The following LIMCH1 variants were observed in gnomAD, a reference collection of about 807,000 sequenced individuals.
LIMCH1 encodes the protein LIM and calponin homology domains-containing protein 1.
Under a neutral mutation model 176.5 loss-of-function variants are expected in LIMCH1, and 113 were observed. That is an observed-to-expected ratio of 0.64 (90% CI 0.55 to 0.75). The LOEUF (loss-of-function observed/expected upper bound fraction) is 0.75. Ranked by LOEUF, LIMCH1 falls within the 30% of genes least tolerant of loss-of-function variation. The pLI is 0.00. For synonymous variants in LIMCH1, 619 were observed against 645.9 expected, an observed-to-expected ratio of 0.96 and a Z score of 0.63; for missense variants, 1,674 against 1,814.9, an observed-to-expected ratio of 0.92 and a Z score of 1.41.
rs569666058 is a variant in LIMCH1 at position 41,576,463 on chromosome 4, A to C, written c.-240-22457A>C. ...TTCTCTTCTAAGTGTTATAATTTAC[A>C]GATACACTCCCATTTATGTGAAATG... On this transcript the variant is annotated intron_variant, in intron 1 of 31. Transcript: ENST00000503057. Among the ~76,000 whole-genome samples, 15 of 152,340 alleles carry C rather than the reference A, an allele frequency of 9.8e-5. No homozygotes were observed. In the South Asian group the frequency reaches 2.3e-3, roughly 23 times the overall value.
In LIMCH1 at chr4:41,643,636, A is replaced by G. The variant is rs190442032; in HGVS notation, c.2127-864A>G. On this transcript the variant is annotated intron_variant, in intron 14 of 31. Coordinates refer to ENST00000503057, the MANE Select transcript of LIMCH1 (RefSeq NM_001330672.2). The stretch of plus-strand genomic sequence containing the variant: ...TAAAACATATAAATTATATGTATGC[A>G]CAGTCTAAGAGTTTTTTAAAGACTG... Among the ~76,000 whole-genome samples the G allele has an allele frequency of 2.7e-3, 412 of 151,980 alleles. 2 individuals are homozygous for G. Among genetic ancestry groups the G allele is most frequent in the African/African-American group, 9.4e-3 (388 of 41,284 alleles).
intron 5 of LIMCH1, among the ~76,000 whole-genome samples, chr4:41,616,932 G>C (rs1419477400): frequency 6.6e-6 from 1 of 152,094 alleles, no homozygotes; most frequent in East Asian, 1.9e-4. Context: ...GAGCTACTCT[G>C]TCCTGGAGCA....
chr4:41,578,020 G>A (rs2152662048), intron 1 of LIMCH1, among the ~76,000 whole-genome samples: 1 of 152,264 alleles, frequency 6.6e-6, no homozygotes, highest in East Asian at 1.9e-4. Flanking sequence ...CCTCAAAAAA[G>A]TGTATCTGAA....
chr4:41,430,861 A>G (rs992711951), intron 1 of LIMCH1, among the ~76,000 whole-genome samples: 2 of 151,754 alleles, frequency 1.3e-5, no homozygotes, highest in African/African-American at 4.8e-5. Flanking sequence ...ACAGAATTCC[A>G]TTGAAAGCCA....
intron 18 of LIMCH1, 75 bp downstream of exon 18, chr4:41,650,683 G>A (rs2094257309): frequency 7.9e-7 from 1 of 1,262,094 alleles, no homozygotes; most frequent in Non-Finnish European, 1.1e-6. Flanking sequence ...AAAATAAGTA[G>A]GTCATGATAA....
chr4:41,634,234 A>G (rs999675705), intron 13 of LIMCH1, among the ~76,000 whole-genome samples: 6 of 152,358 alleles, frequency 3.9e-5, no homozygotes, highest in African/African-American at 1.2e-4. Flanking sequence ...TAGGATTTCT[A>G]TTCCATGCTC....
chr4:41,653,901 C>G (rs756983626), intron 18 of LIMCH1, among the ~76,000 whole-genome samples: 1 of 152,226 alleles, frequency 6.6e-6, no homozygotes, highest in Non-Finnish European at 1.5e-5. Context: ...TCTGTACCTC[C>G]TCATGCCAGA....
chr4:41,580,885 C>T (rs2152678812), intron 1 of LIMCH1, among the ~76,000 whole-genome samples: 1 of 152,178 alleles, frequency 6.6e-6, no homozygotes, highest in Admixed American at 6.5e-5. Flanking sequence ...TATAAACAAA[C>T]TCATGGTAAG....
chr4:41,646,575 G>T lies in LIMCH1; in HGVS notation c.2502G>T (p.Arg834Ser). 1 of 1,614,154 alleles carries T rather than the reference G, an allele frequency of 6.2e-7. No homozygotes were observed. The highest frequency in any genetic ancestry group is 8.5e-7 in the Non-Finnish European group (1 of 1,180,026). The change falls in exon 17 of 32, where the codon AGG becomes AGT. Residue 834 changes from arginine to serine, a missense_variant. Transcript: ENST00000503057. ...AEGILQQYIE[R>S]FTISEAVLER... ...GGATCCTTCAACAGTACATTGAGAGGTTCACCATCAGTGAGGCTGTTCTCG... is the reference window on the plus strand; with the variant it reads ...GGATCCTTCAACAGTACATTGAGAGTTTCACCATCAGTGAGGCTGTTCTCG...
intron 18 of LIMCH1, among the ~76,000 whole-genome samples, chr4:41,654,040 A>C (rs893213752): frequency 6.6e-6 from 1 of 152,188 alleles, no homozygotes; most frequent in Non-Finnish European, 1.5e-5. Context: ...TGTTTTTTGA[A>C]ATAGAAGAAT....
chr4:41,424,515 T>G (rs2060899490), intron 1 of LIMCH1, among the ~76,000 whole-genome samples: 1 of 152,238 alleles, frequency 6.6e-6, no homozygotes. Context: ...TTAAAAAAGT[T>G]TATACAGTGC....
At chr4:41,544,855 T>C (rs982464777) in intron 1 of LIMCH1, among the ~76,000 whole-genome samples, 1 of 152,222 alleles carries the variant, frequency 6.6e-6, no homozygotes, top group African/African-American at 2.4e-5. Context: ...TTCACTGTCA[T>C]GGGTTTAGCT....
intron 1 of LIMCH1, among the ~76,000 whole-genome samples, chr4:41,473,539 C>T (rs1245962673): frequency 6.6e-6 from 1 of 152,162 alleles, no homozygotes; most frequent in Non-Finnish European, 1.5e-5. Context: ...TTATCTCACC[C>T]TGATACAAGA....
intron 2 of LIMCH1, among the ~76,000 whole-genome samples, chr4:41,602,781 C>T (rs935252650): frequency 1.3e-4 from 20 of 151,904 alleles, no homozygotes; most frequent in South Asian, 4.2e-4. Flanking sequence ...ACACTCCAGC[C>T]GGGCGACAGA....
intron 1 of LIMCH1, among the ~76,000 whole-genome samples, chr4:41,556,301 A>G (rs750711648): frequency 2.2e-4 from 33 of 148,630 alleles, no homozygotes; most frequent in Non-Finnish European, 4.5e-4. Flanking sequence ...AGGCTGAGGT[A>G]GGAGAATTGC....
At position 41,435,489 on chromosome 4, in the gene LIMCH1, G is replaced by C. The variant is rs1173909434; in HGVS notation, c.97-59047G>C. 3.3e-5 allele frequency among the ~76,000 whole-genome samples: 5 copies of C among 152,278 alleles called. No individual in the cohort carries two copies. The East Asian group carries it at 7.7e-4, about 23-fold the overall frequency. On this transcript the variant is annotated intron_variant, in intron 1 of 26. Coordinates refer to the LIMCH1 transcript ENST00000313860. The stretch of plus-strand genomic sequence containing the variant: ...GTTTTAAGCCACTAAACTTAATGTG[G>C]TAACTTGTTAGAGCAGCCACAGGAA...
chr4:41,381,673 G>A (rs2055691345), intron 1 of LIMCH1, among the ~76,000 whole-genome samples: 2 of 152,158 alleles, frequency 1.3e-5, no homozygotes, highest in Admixed American at 1.3e-4. Flanking sequence ...GACACCTTGG[G>A]TAATTCTGCT....
intron 18 of LIMCH1, among the ~76,000 whole-genome samples, chr4:41,658,666 G>A (rs1280866576): frequency 2.6e-5 from 4 of 152,156 alleles, no homozygotes; most frequent in African/African-American, 7.2e-5. Context: ...ATAATCAAAA[G>A]TGCATCATAT....
chr4:41,603,517 G>T (rs2090274098), intron 2 of LIMCH1, among the ~76,000 whole-genome samples: 1 of 152,174 alleles, frequency 6.6e-6, no homozygotes, highest in Non-Finnish European at 1.5e-5. Context: ...AGTGCAGTCG[G>T]ATTTCAGTTT....
Sources: allele counts gnomAD v4.1 joint callset (sites outside exome capture counted in the v4.1 genomes callset), GRCh38; gene constraint gnomAD v4.1.1; transcripts MANE v1.5; gene names NCBI Gene and HGNC (gene_info 2026-07-23, HGNC 2026-07-21).